Variants in GABRB2 observed in about 807,000 individuals in gnomAD.
GABRB2 encodes gamma-aminobutyric acid type A receptor subunit beta2.
In GABRB2, 16 loss-of-function variants were observed where a neutral mutation model predicts 54.7. That is an observed-to-expected ratio of 0.29 (90% CI 0.20 to 0.44). The LOEUF is 0.44. Ranked by LOEUF, GABRB2 falls within the 20% of genes least tolerant of loss-of-function variation. The probability of loss-of-function intolerance (pLI) is 1.00; values close to 1 mark genes in which losing one functional copy is unlikely to be tolerated. For missense variants in GABRB2, 355 were observed against 644.0 expected, an observed-to-expected ratio of 0.55 and a Z score of 4.86; for synonymous variants, 244 against 233.8, an observed-to-expected ratio of 1.04 and a Z score of -0.40.
At chr5:161,379,587 G>A (rs147737817) in intron 5 of GABRB2, among the ~76,000 whole-genome samples, 36 of 152,026 alleles carry the variant, frequency 2.4e-4, no homozygotes, top group Non-Finnish European at 1.5e-4. Flanking sequence ...ATGTTGATTC[G>A]CCTCTTCAGG....
chr5:161,422,790 G>T (rs1351570593), intron 4 of GABRB2, among the ~76,000 whole-genome samples: 1 of 152,090 alleles, frequency 6.6e-6, no homozygotes, highest in African/African-American at 2.4e-5. Flanking sequence ...CATTCCATGG[G>T]TTGTAAATGA....
chr5:161,396,202 G>C (rs1261091374), intron 5 of GABRB2, among the ~76,000 whole-genome samples: 1 of 152,128 alleles, frequency 6.6e-6, no homozygotes, highest in East Asian at 1.9e-4. Flanking sequence ...GCTCCATCAG[G>C]AAGTGGAAAG....
intron 4 of GABRB2, among the ~76,000 whole-genome samples, chr5:161,456,928 T>A (rs150057040): frequency 6.6e-6 from 1 of 152,210 alleles, no homozygotes; most frequent in Non-Finnish European, 1.5e-5. Flanking sequence ...TAATATATTT[T>A]AGCATTATAT....
chr5:161,461,245 G>A (rs1355771832), intron 3 of GABRB2, among the ~76,000 whole-genome samples: 1 of 152,164 alleles, frequency 6.6e-6, no homozygotes, highest in East Asian at 1.9e-4. Flanking sequence ...GCTAATGTAA[G>A]CTTCTCAGCT....
At chr5:161,356,054 G>T (rs1473475357) in intron 5 of GABRB2, among the ~76,000 whole-genome samples, 1 of 152,066 alleles carries the variant, frequency 6.6e-6, no homozygotes, top group Non-Finnish European at 1.5e-5. Context: ...GAAATAAAAG[G>T]AGCAAGGATG....
At chr5:161,451,782 A>G (rs1757795211) in intron 4 of GABRB2, among the ~76,000 whole-genome samples, 1 of 152,216 alleles carries the variant, frequency 6.6e-6, no homozygotes, top group Admixed American at 6.5e-5. Flanking sequence ...AATTGTATAT[A>G]TAAGATGAAT....
intron 3 of GABRB2, among the ~76,000 whole-genome samples, chr5:161,512,134 A>G (rs1759790718): frequency 6.6e-6 from 1 of 152,094 alleles, no homozygotes; most frequent in Non-Finnish European, 1.5e-5. Context: ...AGTTGGAAAA[A>G]TCAATCTACT....
chr5:161,313,676 G>A (rs1387195341), intron 9 of GABRB2, among the ~76,000 whole-genome samples: 1 of 152,114 alleles, frequency 6.6e-6, no homozygotes, highest in Non-Finnish European at 1.5e-5. Flanking sequence ...CCTTCCAAAT[G>A]GCAGCTGCTG....
At chr5:161,500,208 T>C (rs1759389023) in intron 3 of GABRB2, among the ~76,000 whole-genome samples, 1 of 152,222 alleles carries the variant, frequency 6.6e-6, no homozygotes, top group Non-Finnish European at 1.5e-5. Flanking sequence ...TACTACTTAC[T>C]GTGTGTCCTT....
intron 9 of GABRB2, among the ~76,000 whole-genome samples, chr5:161,309,380 GA>G (rs561501542): frequency 3.5e-4 from 53 of 152,280 alleles, no homozygotes; most frequent in African/African-American, 1.2e-3. Flanking sequence ...AAGTTGTGGA[GA>G]AAAAGGGATG....
chr5:161,303,882 C>G (rs1045391576), intron 9 of GABRB2, among the ~76,000 whole-genome samples: 31 of 152,180 alleles, frequency 2.0e-4, no homozygotes, highest in African/African-American at 7.0e-4. Context: ...CTTCTGCTAA[C>G]TCCCTCCCCC....
Position 161,336,720 on chromosome 5 carries a change from A to C in GABRB2, c.591T>G (p.Asn197Lys). ...DIEFYWRGDDNAVTGVTKIEL... is the reference protein window; with the variant it reads ...DIEFYWRGDDKAVTGVTKIEL... Reference sequence around the variant, plus strand: ...CAATTTTCGTTACTCCTGTTACTGCATTATCATCGCCACGCCAGTAAAACT... The same window carrying C: ...CAATTTTCGTTACTCCTGTTACTGCCTTATCATCGCCACGCCAGTAAAACT... The change falls in exon 6 of 10, where the codon AAT becomes AAG. Residue 197 changes from asparagine (N) to lysine (K), a missense_variant. By Grantham distance (94) the Asn-to-Lys change is moderately conservative. This residue lies in a region of GABRB2 where 30 missense variants were observed against 33.7 expected (regional missense o/e 0.89). Coordinates refer to ENST00000393959, the MANE Select transcript of GABRB2 (RefSeq NM_001371727.1). 32 of 1,613,182 alleles carry C rather than the reference A, an allele frequency of 2.0e-5. No homozygotes were observed. The highest frequency in any genetic ancestry group is 2.7e-5 in the Non-Finnish European group (32 of 1,179,648).
chr5:161,427,563 C>T lies in GABRB2; in HGVS notation c.459-16506G>A, dbSNP rs77685666. Among the ~76,000 whole-genome samples, 1,488 of 152,130 alleles carry T rather than the reference C, an allele frequency of 9.8e-3. 12 individuals carry two copies. Among genetic ancestry groups the T allele is most frequent in the Middle Eastern group, 0.027 (8 of 294 alleles). On this transcript the variant is annotated intron_variant, in intron 4 of 9. Coordinates refer to ENST00000393959, the MANE Select transcript of GABRB2 (RefSeq NM_001371727.1). ...AGCCTCTATCTTTAATTCCTAGGAA[C>T]TGAAGCAAATGCCTAAATCCTTTGC...
rs74825835 is a variant in GABRB2 at position 161,470,676 on chromosome 5, G to A, written c.238-10832C>T. On this transcript the variant is annotated intron_variant, in intron 3 of 9. Coordinates refer to ENST00000393959, the MANE Select transcript of GABRB2 (RefSeq NM_001371727.1). ...TCTAGGTGGGACAGAGCGGGATGGC[G>A]AGAGATTTCATCACACTCCTCTGAA... Among the ~76,000 whole-genome samples, 353 of 152,024 alleles carry A rather than the reference G, an allele frequency of 2.3e-3. 3 individuals are homozygous for A. Among genetic ancestry groups the A allele is most frequent in the African/African-American group, 7.1e-3 (294 of 41,530 alleles).
At chr5:161,444,028 A>G (rs984834128) in intron 4 of GABRB2, among the ~76,000 whole-genome samples, 1 of 152,168 alleles carries the variant, frequency 6.6e-6, no homozygotes, top group Non-Finnish European at 1.5e-5. Flanking sequence ...GTTATGTCTA[A>G]CTTCCCAAAG....
In GABRB2 at chr5:161,290,305, A is replaced by G. The variant is rs568626752; in HGVS notation, c.*3776T>C. On this transcript the variant is annotated 3_prime_UTR_variant, in exon 10 of 10. Coordinates refer to ENST00000393959, the MANE Select transcript of GABRB2 (RefSeq NM_001371727.1). ...TTATCATTTTTCATTTTCTTAAGAC[A>G]TGTTTGTTTTTGACTCACCAATGGA... The G allele has an allele frequency of 1.3e-5, 2 of 151,220 alleles. No homozygotes were observed. The highest frequency in any genetic ancestry group is 4.9e-5 in the African/African-American group (2 of 41,006). The allele number at this position is 151,220 out of a possible 1,614,324, so 9.4% of individuals were successfully genotyped here. A position where few individuals can be genotyped will look rare whatever the true frequency, so the allele number is the denominator to read the frequency against.
intron 3 of GABRB2, among the ~76,000 whole-genome samples, chr5:161,539,265 C>T (rs1760739992): frequency 1.3e-5 from 2 of 152,168 alleles, no homozygotes; most frequent in Non-Finnish European, 2.9e-5. Flanking sequence ...TTAACCACGA[C>T]ATCTAAAAAT....
chr5:161,411,971 C>G (rs1756527844), intron 4 of GABRB2, among the ~76,000 whole-genome samples: 2 of 152,062 alleles, frequency 1.3e-5, no homozygotes, highest in Non-Finnish European at 2.9e-5. Flanking sequence ...ATAGTAGACC[C>G]TTTAAAAATT....
At chr5:161,422,382 A>T (rs1756877355) in intron 4 of GABRB2, among the ~76,000 whole-genome samples, 1 of 152,078 alleles carries the variant, frequency 6.6e-6, no homozygotes, top group Non-Finnish European at 1.5e-5. Flanking sequence ...ATATGTAAGG[A>T]TGTTTAAATG....
Sources: allele counts gnomAD v4.1 joint callset (sites outside exome capture counted in the v4.1 genomes callset), GRCh38; gene constraint gnomAD v4.1.1; regional missense constraint gnomAD v4.1.1; transcripts MANE v1.5; gene names NCBI Gene and HGNC (gene_info 2026-07-23, HGNC 2026-07-21).